Variants in ATL2 observed in about 807,000 individuals in gnomAD.
ATL2 encodes the protein atlastin-2.
A neutral mutation model predicts 73.9 loss-of-function variants in ATL2; 31 were observed. The ratio of observed to expected loss-of-function variants is 0.42; its 90% confidence interval spans 0.32 to 0.57. ATL2 has a LOEUF of 0.57. Among genes scored for constraint, ATL2 ranks in the 20% least tolerant of loss-of-function variants. The probability of loss-of-function intolerance (pLI) is 0.14; values close to 1 mark genes in which losing one functional copy is unlikely to be tolerated. For missense variants in ATL2, 738 were observed against 702.6 expected (o/e 1.05, Z -0.57); for synonymous variants, 291 against 237.5 (o/e 1.23, Z -2.07).
chr2:38,321,162 G>C (rs553024633), intron 2 of ATL2, among the ~76,000 whole-genome samples: 12 of 152,144 alleles, frequency 7.9e-5, no homozygotes, highest in African/African-American at 2.9e-4. Context: ...AACAGAGAGA[G>C]ACTGTCTCAA....
chr2:38,369,134 T>C (rs778059185), intron 1 of ATL2, among the ~76,000 whole-genome samples: 12 of 152,086 alleles, frequency 7.9e-5, no homozygotes, highest in Non-Finnish European at 1.5e-4. Context: ...CCTTTCTGAA[T>C]GGATCTAGCT....
intron 10 of ATL2, 38 bp from the exon 11 acceptor site, chr2:38,299,365 C>A: frequency 1.3e-6 from 2 of 1,501,460 alleles, no homozygotes; most frequent in Non-Finnish European, 1.8e-6. Context: ...GCAAAAAATA[C>A]TCTATGACTC....
chr2:38,312,706 T>TAAAA (rs368819561), intron 7 of ATL2, among the ~76,000 whole-genome samples: 5 of 120,306 alleles, frequency 4.2e-5, no homozygotes, highest in African/African-American at 1.5e-4. Context: ...GAGACTGTCT[T>TAAAA]AAAAAAAAAA....
At position 38,369,686 on chromosome 2, in the gene ATL2, A is replaced by T. The variant is rs1308732469; in HGVS notation, c.118+7457T>A. Among the ~76,000 whole-genome samples the T allele has an allele frequency of 2.0e-5, 3 of 152,000 alleles. No individual in the cohort carries two copies. The East Asian group carries it at 5.8e-4, about 30-fold the overall frequency. On this transcript the variant is annotated intron_variant, in intron 1 of 12. Transcript: ENST00000378954. ...AGGTTCACTTGAGCCCAGAAGGTGGAGGCTGCATATTTGAGACCCTATCTC... is the reference window on the plus strand; with the variant it reads ...AGGTTCACTTGAGCCCAGAAGGTGGTGGCTGCATATTTGAGACCCTATCTC...
intron 12 of ATL2, chr2:38,297,905 G>A: frequency 2.5e-6 from 1 of 394,538 alleles, no homozygotes; most frequent in Non-Finnish European, 4.5e-6. Flanking sequence ...ATACAATCAG[G>A]CCTACAACTA....
intron 4 of ATL2, among the ~76,000 whole-genome samples, chr2:38,317,694 T>C (rs1172811939): frequency 6.6e-6 from 1 of 152,118 alleles, no homozygotes; most frequent in Non-Finnish European, 1.5e-5. Context: ...ATTACCTGGG[T>C]TTTTTGTTTG....
intron 2 of ATL2, among the ~76,000 whole-genome samples, chr2:38,342,351 A>G (rs1292847919): frequency 6.6e-6 from 1 of 152,214 alleles, no homozygotes; most frequent in Non-Finnish European, 1.5e-5. Context: ...AGTAATATCA[A>G]TAAAACATAC....
chr2:38,335,294 A>ATTT (rs1014446111), intron 2 of ATL2, among the ~76,000 whole-genome samples: 6 of 150,078 alleles, frequency 4.0e-5, no homozygotes, highest in African/African-American at 1.5e-4. Flanking sequence ...CTTTACAAAA[A>ATTT]TGTTCATTAG....
chr2:38,310,093 G>C (rs1163947026), intron 8 of ATL2, among the ~76,000 whole-genome samples: 1 of 152,150 alleles, frequency 6.6e-6, no homozygotes, highest in Non-Finnish European at 1.5e-5. Flanking sequence ...CTGAGCAACA[G>C]ACATTATAAA....
chr2:38,376,672 G>T (rs997398464), intron 1 of ATL2: 6 of 152,412 alleles, frequency 3.9e-5, no homozygotes, highest in African/African-American at 1.4e-4. Context: ...GGCCCATCAT[G>T]CCCTGGCCAC....
At chr2:38,307,086 G>A (rs1667487824) in intron 9 of ATL2, among the ~76,000 whole-genome samples, 1 of 152,246 alleles carries the variant, frequency 6.6e-6, no homozygotes, top group Non-Finnish European at 1.5e-5. Context: ...GGCCAGGTAT[G>A]ATGGCTCACA....
At chr2:38,298,596 T>C in intron 11 of ATL2, 21 bp from the exon 12 acceptor site, 1 of 1,578,924 alleles carries the variant, frequency 6.3e-7, no homozygotes. Flanking sequence ...AGAATTACAG[T>C]ATTACATGCT....
intron 10 of ATL2, among the ~76,000 whole-genome samples, chr2:38,299,630 C>A (rs1357925156): frequency 6.6e-6 from 1 of 152,158 alleles, no homozygotes; most frequent in Non-Finnish European, 1.5e-5. Context: ...ATATGTGGAT[C>A]TCCAGGTGTT....
chr2:38,370,448 CA>C (rs55964015), intron 1 of ATL2, among the ~76,000 whole-genome samples: 243 of 55,146 alleles, frequency 4.4e-3, no homozygotes, highest in Non-Finnish European at 6.0e-3. Context: ...GACTCTGTCC[CA>C]AAAAAAAAAA....
intron 12 of ATL2, 145 bp from the exon 13 acceptor site, chr2:38,296,258 AC>A: frequency 7.0e-7 from 1 of 1,434,008 alleles, no homozygotes; most frequent in African/African-American, 1.4e-5. Context: ...TCTCAAAAAA[AC>A]TTATGATGCT....
intron 2 of ATL2, among the ~76,000 whole-genome samples, chr2:38,334,902 T>TTTATAATATATAAATAGATTTATATA (rs1669243791): frequency 1.5e-5 from 1 of 65,320 alleles, no homozygotes; most frequent in African/African-American, 4.9e-5. Flanking sequence ...ATATATATTA[T>TTTATAATATATAAATAGATTTATATA]TTATAATATA....
chr2:38,325,627 TACACACACACACAC>T lies in ATL2; in HGVS notation c.364-6622_364-6609del, dbSNP rs768444431. Among the ~76,000 whole-genome samples, 191 of 53,408 alleles carry T rather than the reference TACACACACACACAC, an allele frequency of 3.6e-3. 3 individuals are homozygous for T. The highest frequency in any genetic ancestry group is 0.015 in the Middle Eastern group (1 of 66). The allele number at this position is 53,408 out of a possible 152,430, so 35.0% of individuals were successfully genotyped here. On this transcript the variant is annotated intron_variant, in intron 2 of 12. Transcript: ENST00000378954. ...CACTATCTACACACACACCAGTACA[TACACACACACACAC>T]ACACACACACACACACCAGTACACA...
At chr2:38,337,488 A>C (rs1223131677) in intron 2 of ATL2, among the ~76,000 whole-genome samples, 1 of 67,868 alleles carries the variant, frequency 1.5e-5, no homozygotes, top group Non-Finnish European at 2.5e-5. Flanking sequence ...TCTGTCTCCA[A>C]AAAAAAAAAA....
intron 2 of ATL2, among the ~76,000 whole-genome samples, chr2:38,342,841 T>C (rs1013165613): frequency 6.6e-6 from 1 of 152,108 alleles, no homozygotes; most frequent in African/African-American, 2.4e-5. Flanking sequence ...AAGGGAATTA[T>C]GGCGATGAAG....
Sources: gnomAD v4.1 joint callset for allele counts (sites outside exome capture counted in the v4.1 genomes callset) on GRCh38, gnomAD v4.1.1 for gene constraint, MANE v1.5 for transcripts, NCBI Gene and HGNC (gene_info 2026-07-23, HGNC 2026-07-21) for gene names.